Variants in C5orf58 observed in about 807,000 individuals in gnomAD.
C5orf58 encodes chromosome 5 open reading frame 58.
A neutral mutation model predicts 2.9 loss-of-function variants in C5orf58; 2 were observed. That is an observed-to-expected ratio of 0.69 (90% CI 0.28 to 2.18). The LOEUF is 2.18. Among genes scored for constraint, C5orf58 ranks in the 30% most tolerant of loss-of-function variants. The pLI is 0.13. For missense variants in C5orf58, 96 were observed against 91.7 expected, an observed-to-expected ratio of 1.05 and a Z score of -0.19; for synonymous variants, 37 against 33.4, an observed-to-expected ratio of 1.11 and a Z score of -0.37.
chr5:170,244,483 T>G (rs1413743061), intron 3 of C5orf58, among the ~76,000 whole-genome samples: 1 of 150,420 alleles, frequency 6.6e-6, no homozygotes, highest in Non-Finnish European at 1.5e-5. Flanking sequence ...CATTTCTTTT[T>G]ATTCTTTTTT....
chr5:170,249,430 A>T (rs990645706), downstream of C5orf58, among the ~76,000 whole-genome samples: 29 of 151,470 alleles, frequency 1.9e-4, 1 homozygote, highest in Non-Finnish European at 2.1e-4. Flanking sequence ...ATATATTTTT[A>T]ACTTCATATG....
intron 3 of C5orf58, among the ~76,000 whole-genome samples, chr5:170,237,558 GTCTGAACC>G (rs1357411631): frequency 6.6e-6 from 1 of 152,170 alleles, no homozygotes; most frequent in East Asian, 1.9e-4. Flanking sequence ...AAATAGACAA[GTCTGAACC>G]CCAAAGCCCA....
At chr5:170,252,508 A>C, downstream of C5orf58, 2 of 1,514,068 alleles carry the variant, frequency 1.3e-6, no homozygotes, top group Non-Finnish European at 1.8e-6. Flanking sequence ...TCATTTAATG[A>C]ATTCTGAAAA....
chr5:170,250,962 C>G, downstream of C5orf58: 2 of 1,165,416 alleles, frequency 1.7e-6, no homozygotes, highest in South Asian at 1.4e-5. Flanking sequence ...AGTAGACAAG[C>G]CTCTAGGGAT....
At chr5:170,237,337 A>G (rs1182572023) in intron 3 of C5orf58, 2 of 398,398 alleles carry the variant, frequency 5.0e-6, no homozygotes, top group Non-Finnish European at 8.9e-6. Context: ...CTCTGCATAA[A>G]TGAACTCTCT....
At chr5:170,243,072 A>G (rs1453408886) in intron 3 of C5orf58, among the ~76,000 whole-genome samples, 3 of 149,250 alleles carry the variant, frequency 2.0e-5, no homozygotes, top group African/African-American at 7.5e-5. Flanking sequence ...TTCAGTTTCC[A>G]TGTAGTTGAG....
downstream of C5orf58, chr5:170,252,456 G>A (rs760300648): frequency 7.0e-5 from 111 of 1,583,986 alleles, no homozygotes; most frequent in Non-Finnish European, 8.8e-5. Context: ...TCTAAGAGCA[G>A]CTTCTGCCTC....
At chr5:170,248,466 C>A (rs982563182), downstream of C5orf58, 1 of 422,600 alleles carries the variant, frequency 2.4e-6, no homozygotes, top group Non-Finnish European at 4.3e-6. Flanking sequence ...TACTAGACTT[C>A]AAGTGTGAAC....
chr5:170,239,398 GA>G (rs11446646), intron 3 of C5orf58, among the ~76,000 whole-genome samples: 35 of 143,364 alleles, frequency 2.4e-4, no homozygotes, highest in Admixed American at 3.5e-4. Flanking sequence ...ACTGAAAATT[GA>G]AAAAAAAAAA....
At chr5:170,235,618 T>C (rs1760710089) in intron 3 of C5orf58, among the ~76,000 whole-genome samples, 1 of 152,238 alleles carries the variant, frequency 6.6e-6, no homozygotes, top group Admixed American at 6.5e-5. Context: ...ACATTTCTTA[T>C]GCTGGGGAAC....
At chr5:170,243,247 A>G (rs2113120048) in intron 3 of C5orf58, among the ~76,000 whole-genome samples, 1 of 148,438 alleles carries the variant, frequency 6.7e-6, no homozygotes, top group South Asian at 2.2e-4. Flanking sequence ...AAAAAAATGT[A>G]TATTCTGTTG....
intron 1 of C5orf58, 164 bp from the exon 2 acceptor site, chr5:170,233,951 T>G: frequency 2.7e-6 from 1 of 376,954 alleles, no homozygotes; most frequent in Non-Finnish European, 5.2e-6. Flanking sequence ...TTTGAAGTTC[T>G]TTAATTCCAC....
rs1020960971 is a variant in C5orf58, at chr5:170,232,992, G to C, written c.-100G>C. 13 of 985,152 alleles carry C rather than the reference G, an allele frequency of 1.3e-5. No individual in the cohort carries two copies. The African/African-American group carries it at 1.4e-4, about 11-fold the overall frequency. 61.0% of individuals were successfully genotyped at this position (985,152 alleles called of 1,614,324 possible). A position where few individuals can be genotyped will look rare whatever the true frequency, so the allele number is the denominator to read the frequency against. On this transcript the variant is annotated 5_prime_UTR_variant, in exon 1 of 4. Coordinates refer to ENST00000593851, the MANE Select transcript of C5orf58 (RefSeq NM_001102609.3). Reference sequence around the variant, plus strand: ...GGCTCCCTGCTCCTGTCAGAACCTCGGTGACGGTTGGCCAGGTGGGTAGTG... The same window carrying C: ...GGCTCCCTGCTCCTGTCAGAACCTCCGTGACGGTTGGCCAGGTGGGTAGTG...
At chr5:170,249,380 A>ATCTC (rs150473808), downstream of C5orf58, among the ~76,000 whole-genome samples, 71 of 148,024 alleles carry the variant, frequency 4.8e-4, no homozygotes, top group Admixed American at 7.4e-4. Flanking sequence ...ATATATATAT[A>ATCTC]TCTACATATC....
At chr5:170,248,391 G>C (rs1380857806), downstream of C5orf58, 1 of 255,426 alleles carries the variant, frequency 3.9e-6, no homozygotes, top group Non-Finnish European at 7.6e-6. Context: ...CTGTAGCTGT[G>C]TAAACTACTG....
At chr5:170,240,272 G>C (rs866676560) in intron 3 of C5orf58, among the ~76,000 whole-genome samples, 3,991 of 147,230 alleles carry the variant, frequency 0.027, 131 homozygotes, top group African/African-American at 0.083. Context: ...ATGATTTATA[G>C]TCCTTTGGGT....
At chr5:170,235,391 TA>T (rs1441418077) in intron 3 of C5orf58, among the ~76,000 whole-genome samples, 1 of 152,212 alleles carries the variant, frequency 6.6e-6, no homozygotes, top group Non-Finnish European at 1.5e-5. Flanking sequence ...ATTGTCTTTA[TA>T]AATTCTTACT....
At chr5:170,235,832 C>CA (rs1222781220) in intron 3 of C5orf58, among the ~76,000 whole-genome samples, 2 of 152,050 alleles carry the variant, frequency 1.3e-5, no homozygotes, top group South Asian at 2.1e-4. Context: ...CTATAAGTAA[C>CA]AAAAAAACCA....
chr5:170,238,933 G>T (rs964473599), intron 3 of C5orf58, among the ~76,000 whole-genome samples: 4 of 152,182 alleles, frequency 2.6e-5, no homozygotes, highest in Non-Finnish European at 4.4e-5. Flanking sequence ...AGAGACACAG[G>T]AATCTGGGGA....
Sources: allele counts gnomAD v4.1 joint callset (sites outside exome capture counted in the v4.1 genomes callset), GRCh38; gene constraint gnomAD v4.1.1; transcripts MANE v1.5; gene names NCBI Gene and HGNC (gene_info 2026-07-23, HGNC 2026-07-21).